Variants in SESTD1 observed in about 807,000 individuals in gnomAD.
The protein encoded by SESTD1 is SEC14 domain and spectrin repeat-containing protein 1.
SESTD1 carries 43 observed loss-of-function variants against 101.7 expected under a neutral mutation model. That is an observed-to-expected ratio of 0.42 (90% CI 0.33 to 0.55). The LOEUF (loss-of-function observed/expected upper bound fraction) is 0.55, where lower values mean the gene tolerates loss of function less well. Among genes scored for constraint, SESTD1 ranks in the 20% least tolerant of loss-of-function variants. The pLI, the probability that SESTD1 is intolerant of heterozygous loss-of-function variation, is 0.07. For missense variants in SESTD1, 647 were observed against 815.1 expected, an observed-to-expected ratio of 0.79 and a Z score of 2.51; for synonymous variants, 283 against 286.8, an observed-to-expected ratio of 0.99 and a Z score of 0.13.
intron 1 of SESTD1, among the ~76,000 whole-genome samples, chr2:179,215,511 CA>C (rs2046708243): frequency 7.6e-6 from 1 of 132,034 alleles, no homozygotes; most frequent in Non-Finnish European, 1.6e-5. Context: ...CCCTACCAAC[CA>C]AAAAAAAGTC....
At chr2:179,262,286 C>T (rs2047494108) in intron 1 of SESTD1, among the ~76,000 whole-genome samples, 2 of 152,104 alleles carry the variant, frequency 1.3e-5, no homozygotes, top group South Asian at 4.1e-4. Context: ...CCGACATTTG[C>T]ATAATTTTGT....
chr2:179,263,558 A>G (rs531312196), intron 1 of SESTD1, among the ~76,000 whole-genome samples: 7 of 152,244 alleles, frequency 4.6e-5, no homozygotes, highest in Non-Finnish European at 1.0e-4. Context: ...CACAAGCAAA[A>G]CGTGAAGTAA....
At chr2:179,215,915 A>T (rs2046714028) in intron 1 of SESTD1, among the ~76,000 whole-genome samples, 1 of 135,474 alleles carries the variant, frequency 7.4e-6, no homozygotes, top group Non-Finnish European at 1.6e-5. Flanking sequence ...ACAGATGCAG[A>T]AAAGGCCTTC....
Position 179,112,714 on chromosome 2 carries a change from T to C in SESTD1, c.1961+10A>G, listed in dbSNP as rs1395133208. ...AATAAAAAATAAAATTATAAGAACA[T>C]GCCCCATACCCATCAGGATAAACTA... is the stretch of plus-strand genomic sequence containing the variant. On this transcript the variant is annotated intron_variant, in intron 17 of 17. Transcript: ENST00000428443. The C allele has an allele frequency of 8.2e-6, 13 of 1,590,910 alleles. No individual in the cohort carries two copies. Among genetic ancestry groups the C allele is most frequent in the Middle Eastern group, 1.7e-4 (1 of 5,938 alleles).
intron 10 of SESTD1, among the ~76,000 whole-genome samples, chr2:179,125,083 C>T (rs575322680): frequency 6.6e-6 from 1 of 152,212 alleles, no homozygotes; most frequent in East Asian, 1.9e-4. Context: ...CCTGAACCTC[C>T]AGTTCCTTGA....
At chr2:179,129,295 T>C (rs1415213643) in intron 10 of SESTD1, among the ~76,000 whole-genome samples, 1 of 152,202 alleles carries the variant, frequency 6.6e-6, no homozygotes, top group Non-Finnish European at 1.5e-5. Context: ...CCACACACTT[T>C]CTTCAACCCA....
At chr2:179,214,875 C>T (rs1294529689) in intron 1 of SESTD1, among the ~76,000 whole-genome samples, 1 of 135,186 alleles carries the variant, frequency 7.4e-6, no homozygotes, top group East Asian at 2.0e-4. Context: ...GAACATCCTG[C>T]TCCTGAATGA....
At chr2:179,180,937 G>T (rs1398169402) in intron 3 of SESTD1, among the ~76,000 whole-genome samples, 1 of 152,128 alleles carries the variant, frequency 6.6e-6, no homozygotes, top group African/African-American at 2.4e-5. Context: ...GAGTTTTCAT[G>T]AATATTTGAG....
At chr2:179,146,302 C>T in intron 8 of SESTD1, 100 bp downstream of exon 8, 1 of 1,140,764 alleles carries the variant, frequency 8.8e-7, no homozygotes, top group Non-Finnish European at 1.3e-6. Context: ...TGAGTTCCTT[C>T]CACATGTACC....
chr2:179,132,103 T>A (rs763304347), intron 10 of SESTD1: 41 of 475,468 alleles, frequency 8.6e-5, no homozygotes, highest in Non-Finnish European at 1.3e-4. Context: ...TTAAACTGCA[T>A]TAGAGACAAA....
At chr2:179,157,840 G>T (rs1176816983) in intron 5 of SESTD1, among the ~76,000 whole-genome samples, 1 of 152,076 alleles carries the variant, frequency 6.6e-6, no homozygotes, top group Non-Finnish European at 1.5e-5. Context: ...CTTTTCATTT[G>T]TTTCTTTGCA....
intron 2 of SESTD1, among the ~76,000 whole-genome samples, chr2:179,186,846 A>G (rs1223734693): frequency 1.3e-5 from 2 of 152,044 alleles, no homozygotes; most frequent in African/African-American, 4.8e-5. Context: ...AAATGTGTAG[A>G]GCATCAAAAA....
intron 1 of SESTD1, among the ~76,000 whole-genome samples, chr2:179,230,113 C>CTCTCTTTTTTTTTTTT (rs2046962437): frequency 1.8e-5 from 1 of 56,404 alleles, no homozygotes; most frequent in Admixed American, 2.9e-4. Context: ...GATTGTATCT[C>CTCTCTTTTTTTTTTTT]TTTTTTTTTT....
intron 5 of SESTD1, among the ~76,000 whole-genome samples, chr2:179,161,786 A>G (rs1412528387): frequency 6.6e-6 from 1 of 152,052 alleles, no homozygotes; most frequent in Non-Finnish European, 1.5e-5. Context: ...TGTAATTTTC[A>G]TATTTCTTTT....
chr2:179,218,062 T>A (rs963300806), intron 1 of SESTD1, among the ~76,000 whole-genome samples: 1 of 152,186 alleles, frequency 6.6e-6, no homozygotes, highest in Non-Finnish European at 1.5e-5. Flanking sequence ...CAAACCAATA[T>A]GGCACATGTA....
chr2:179,179,233 G>C (rs1452497242), intron 3 of SESTD1, among the ~76,000 whole-genome samples: 4 of 152,138 alleles, frequency 2.6e-5, no homozygotes, highest in African/African-American at 4.8e-5. Context: ...TGTAGGACCT[G>C]AAGTGTCATT....
At chr2:179,189,013 T>G (rs754091219) in intron 2 of SESTD1, among the ~76,000 whole-genome samples, 1 of 152,150 alleles carries the variant, frequency 6.6e-6, no homozygotes, top group African/African-American at 2.4e-5. Context: ...AGAGAAGAGC[T>G]AGTACCAATC....
At chr2:179,225,121 G>A (rs1342922278) in intron 1 of SESTD1, among the ~76,000 whole-genome samples, 1 of 152,176 alleles carries the variant, frequency 6.6e-6, no homozygotes, top group Non-Finnish European at 1.5e-5. Context: ...CAGGTAGGCA[G>A]TGTTAGAACT....
rs2046644294 is a variant in SESTD1, at chr2:179,211,000, T to A, written c.-25-19134A>T. Among the ~76,000 whole-genome samples, 2 of 131,360 alleles carry A rather than the reference T, an allele frequency of 1.5e-5. 1 individual carries two copies. The highest frequency in any genetic ancestry group is 6.1e-5 in the African/African-American group (2 of 32,774). The allele number at this position is 131,360 out of a possible 152,430, so 86.2% of individuals were successfully genotyped here. A position where few individuals can be genotyped will look rare whatever the true frequency, so the allele number is the denominator to read the frequency against. On this transcript the variant is annotated intron_variant, in intron 1 of 17. Transcript: ENST00000428443. ...AGGATACAAAATCAATGCACAAAAA[T>A]CAGTAGCACTGCTACACACCAACAG...
Sources: allele counts gnomAD v4.1 joint callset (sites outside exome capture counted in the v4.1 genomes callset), GRCh38; gene constraint gnomAD v4.1.1; transcripts MANE v1.5; gene names NCBI Gene and HGNC (gene_info 2026-07-23, HGNC 2026-07-21).